Variants in TMEM223 observed in about 807,000 individuals in gnomAD.
The protein encoded by TMEM223 is transmembrane protein 223.
TMEM223 carries 14 observed loss-of-function variants against 14.1 expected under a neutral mutation model. The observed-to-expected ratio is 0.99, with a 90% confidence interval of 0.66 to 1.55. The LOEUF (loss-of-function observed/expected upper bound fraction) is 1.55. TMEM223 is among the 40% of genes most tolerant of loss of function. The probability of loss-of-function intolerance (pLI) is 0.00; values close to 1 mark genes in which losing one functional copy is unlikely to be tolerated. For synonymous variants in TMEM223, 145 were observed against 120.5 expected, an observed-to-expected ratio of 1.20 and a Z score of -1.33; for missense variants, 346 against 269.9, an observed-to-expected ratio of 1.28 and a Z score of -1.97.
Position 62,790,928 on chromosome 11 carries a change from C to T in TMEM223, c.317-13G>A. On this transcript the variant is annotated splice_polypyrimidine_tract_variant and intron_variant, in intron 1 of 1. Transcript: ENST00000307366. ...AGTACGAGGGCTCCTGCAGGCAGGGCAGAGATTGGGGTGAGGGGTTTTCAC... is the reference window on the plus strand; with the variant it reads ...AGTACGAGGGCTCCTGCAGGCAGGGTAGAGATTGGGGTGAGGGGTTTTCAC... The T allele has an allele frequency of 1.3e-6, 2 of 1,550,856 alleles. No homozygotes were observed. The highest frequency in any genetic ancestry group is 1.2e-5 in the South Asian group (1 of 83,176).
intron 1 of TMEM223, among the ~76,000 whole-genome samples, chr11:62,791,351 A>G (rs930735169): frequency 5.3e-5 from 8 of 151,854 alleles, no homozygotes; most frequent in African/African-American, 1.9e-4. Context: ...TCCGCCTCCC[A>G]GGTTCAATTG....
rs775554713 is a variant in TMEM223 at position 62,790,168 on chromosome 11, A to G, written c.*455T>C. On this transcript the variant is annotated 3_prime_UTR_variant, in exon 2 of 2. Transcript: ENST00000307366. ...TTCCTTTCGTTGGGGGGTGGGGGGG[A>G]AACATAATGACAGGCCCCCCTCCAC... is the stretch of plus-strand genomic sequence containing the variant. 4 of 1,160,034 alleles carry G rather than the reference A, an allele frequency of 3.4e-6. No individual in the cohort carries two copies. Among genetic ancestry groups the G allele is most frequent in the East Asian group, 2.7e-5 (1 of 37,728 alleles). 71.9% of individuals were successfully genotyped at this position (1,160,034 alleles called of 1,614,324 possible).
At chr11:62,778,375 T>C (rs1229997784) in intron 1 of TMEM223, 4 of 1,612,866 alleles carry the variant, frequency 2.5e-6, no homozygotes, top group Non-Finnish European at 3.4e-6. Flanking sequence ...TGGATGAATT[T>C]TCTCCCTTAG....
chr11:62,787,345 A>G (rs772395220), downstream of TMEM223: 7 of 1,525,402 alleles, frequency 4.6e-6, no homozygotes, highest in South Asian at 3.7e-5. Context: ...CCCGGAAATG[A>G]CGTCTCCACC....
Position 62,790,928 on chromosome 11 carries a change from C to G in TMEM223, c.317-13G>C. ...AGTACGAGGGCTCCTGCAGGCAGGG[C>G]AGAGATTGGGGTGAGGGGTTTTCAC... On this transcript the variant is annotated splice_polypyrimidine_tract_variant and intron_variant, in intron 1 of 1. Coordinates refer to ENST00000307366, the MANE Select transcript of TMEM223 (RefSeq NM_001080501.3). The G allele has an allele frequency of 6.4e-7, 1 of 1,550,856 alleles. No homozygotes were observed. Among genetic ancestry groups the G allele is most frequent in the South Asian group, 1.2e-5 (1 of 83,176 alleles).
At chr11:62,779,976 A>ATTTT (rs1277954265) in intron 1 of TMEM223, among the ~76,000 whole-genome samples, 2 of 52,624 alleles carry the variant, frequency 3.8e-5, no homozygotes, top group South Asian at 6.2e-4. Flanking sequence ...ATATATATAT[A>ATTTT]TTTTTTTTTT....
chr11:62,783,535 C>CT (rs1342686734), downstream of TMEM223, among the ~76,000 whole-genome samples: 1,930 of 133,872 alleles, frequency 0.014, 20 homozygotes, highest in Non-Finnish European at 0.018. Flanking sequence ...GAGGGAGGAT[C>CT]TTTTTTTTTT....
At chr11:62,787,296 A>C, downstream of TMEM223, 1 of 1,537,694 alleles carries the variant, frequency 6.5e-7, no homozygotes, top group Non-Finnish European at 8.7e-7. Context: ...TGCCGCTCTG[A>C]GTCAGTGGCC....
At chr11:62,789,641 A>T, downstream of TMEM223, 1 of 1,550,626 alleles carries the variant, frequency 6.4e-7, no homozygotes, top group Non-Finnish European at 8.7e-7. Flanking sequence ...ACCCCCTGGA[A>T]CTGCTCTGCA....
At chr11:62,776,016 G>A (rs2084185525) in intron 1 of TMEM223, 3 of 1,462,306 alleles carry the variant, frequency 2.1e-6, no homozygotes, top group South Asian at 1.4e-5. Flanking sequence ...TTATTCAAGT[G>A]TACACTGGGT....
chr11:62,789,130 G>C (rs756956741), downstream of TMEM223: 76 of 1,614,038 alleles, frequency 4.7e-5, no homozygotes, highest in Non-Finnish European at 1.1e-5. Context: ...TTGTAGCTGG[G>C]GCCTCTGGCC....
At chr11:62,777,502 G>C (rs2084196249) in intron 1 of TMEM223, among the ~76,000 whole-genome samples, 1 of 152,128 alleles carries the variant, frequency 6.6e-6, no homozygotes, top group South Asian at 2.1e-4. Context: ...GGTGGGACTG[G>C]AGCTGGCCCT....
chr11:62,781,677 A>AAAAGTTGG, intron 1 of TMEM223: 1 of 476,174 alleles, frequency 2.1e-6, no homozygotes, highest in Non-Finnish European at 3.8e-6. Context: ...AAAAAAAAAA[A>AAAAGTTGG]AGTTGGACAT....
In TMEM223 at chr11:62,791,940, G is replaced by A. The variant is rs1389886548; in HGVS notation, c.55C>T (p.Leu19=). The part of the protein sequence containing the change: ...PTGLLAVLRP[L]LTCRPLQGTT... ...CCTTGCAGGGGCCGGCAGGTGAGCA[G>A]GGGCCGCAGCACGGCTAGCAGCCCC... The change falls in exon 1 of 2, where the codon CTG becomes TTG. Residue 19 remains leucine (L), a synonymous_variant. Coordinates refer to ENST00000307366, the MANE Select transcript of TMEM223 (RefSeq NM_001080501.3). The A allele has an allele frequency of 2.5e-6, 4 of 1,592,710 alleles. No homozygotes were observed. Among genetic ancestry groups the A allele is most frequent in the Non-Finnish European group, 3.4e-6 (4 of 1,169,574 alleles).
chr11:62,782,405 G>A (rs756196646), intron 1 of TMEM223: 403 of 1,495,242 alleles, frequency 2.7e-4, no homozygotes, highest in Non-Finnish European at 3.5e-4. Context: ...GAAATGGGGC[G>A]AAGCCTCTGG....
downstream of TMEM223, chr11:62,787,462 C>G (rs761490110): frequency 1.8e-5 from 29 of 1,574,898 alleles, no homozygotes; most frequent in African/African-American, 2.6e-4. Context: ...GCGCGTCGAG[C>G]TTGCGCTCTT....
downstream of TMEM223, chr11:62,789,565 TCA>T (rs1286554426): frequency 6.5e-7 from 1 of 1,548,648 alleles, no homozygotes; most frequent in East Asian, 2.3e-5. Flanking sequence ...ATATAAACTA[TCA>T]CGCTTTCTCA....
intron 1 of TMEM223, among the ~76,000 whole-genome samples, chr11:62,781,026 G>A (rs932262188): frequency 2.7e-5 from 4 of 150,786 alleles, no homozygotes; most frequent in East Asian, 2.0e-4. Context: ...GCTTGAGGCC[G>A]GGAGTTCGAG....
intron 1 of TMEM223, among the ~76,000 whole-genome samples, chr11:62,781,109 G>T (rs1181347102): frequency 6.6e-6 from 1 of 151,424 alleles, no homozygotes; most frequent in East Asian, 1.9e-4. Context: ...GGTGGTGGGC[G>T]CCTGTAATCC....
Sources: allele counts gnomAD v4.1 joint callset (sites outside exome capture counted in the v4.1 genomes callset), GRCh38; gene constraint gnomAD v4.1.1; transcripts MANE v1.5; gene names NCBI Gene and HGNC (gene_info 2026-07-23, HGNC 2026-07-21).